The following LDLRAD4 variants were observed in gnomAD, a reference collection of about 807,000 sequenced individuals.
The protein encoded by LDLRAD4 is low-density lipoprotein receptor class A domain-containing protein 4.
Under a neutral mutation model 17.0 loss-of-function variants are expected in LDLRAD4, and 5 were observed. The observed-to-expected ratio is 0.29, with a 90% confidence interval of 0.15 to 0.62. The LOEUF (loss-of-function observed/expected upper bound fraction) is 0.62, where lower values mean the gene tolerates loss of function less well. LDLRAD4 is among the 20% of genes least tolerant of loss of function. The probability of loss-of-function intolerance (pLI) is 0.84; values close to 1 mark genes in which losing one functional copy is unlikely to be tolerated. For synonymous variants in LDLRAD4, 168 were observed against 171.8 expected (o/e 0.98, Z 0.17); for missense variants, 340 against 424.7 (o/e 0.80, Z 1.75).
intron 3 of LDLRAD4, among the ~76,000 whole-genome samples, chr18:13,499,241 C>T (rs1466147272): frequency 7.3e-5 from 11 of 150,596 alleles, no homozygotes; most frequent in South Asian, 2.1e-4. Flanking sequence ...CACACACTTC[C>T]CACCGTGGAC....
In LDLRAD4 at chr18:13,621,117, C is replaced by T. The variant is rs764341458; in HGVS notation, c.182C>T (p.Ser61Leu). ...TAACCACTCTCCTCTTCCATGGCAG[C>T]GGAGCTGGAGTTCGCCCAAATCATC... Residue 61 changes from serine to leucine, a missense_variant and splice_region_variant, in exon 4 of 6, where the codon TCG becomes TTG. Coordinates refer to ENST00000359446, the Ensembl canonical transcript of LDLRAD4. The surrounding 1 kb of genome is among the most constrained non-coding windows in gnomAD (Gnocchi z 5.5). 5.6e-6 allele frequency: 9 copies of T among 1,614,126 alleles called. No individual in the cohort carries two copies. Among genetic ancestry groups the T allele is most frequent in the Non-Finnish European group, 7.6e-6 (9 of 1,180,022 alleles).
At chr18:13,391,075 C>T (rs998458945) in intron 2 of LDLRAD4, among the ~76,000 whole-genome samples, 1 of 152,178 alleles carries the variant, frequency 6.6e-6, no homozygotes, top group African/African-American at 2.4e-5. Flanking sequence ...GGTTGCTGTT[C>T]TTAAAATTTT....
At chr18:13,413,811 A>G (rs1260159987) in intron 2 of LDLRAD4, among the ~76,000 whole-genome samples, 2 of 152,108 alleles carry the variant, frequency 1.3e-5, no homozygotes, top group Non-Finnish European at 2.9e-5. Flanking sequence ...CACGCCTGTA[A>G]TCTCAGCGAC....
intron 1 of LDLRAD4, among the ~76,000 whole-genome samples, chr18:13,306,228 C>T (rs2146652261): frequency 6.6e-6 from 1 of 152,290 alleles, no homozygotes; most frequent in Admixed American, 6.5e-5. Flanking sequence ...TGTGCAAATG[C>T]AGTTGGGTTT....
chr18:13,613,990 C>T (rs2039850962), intron 3 of LDLRAD4: 1 of 152,268 alleles, frequency 6.6e-6, no homozygotes, highest in African/African-American at 2.4e-5. Flanking sequence ...ATCACACCCT[C>T]TTAGAGTAGT....
At chr18:13,519,205 T>A (rs569879158) in intron 3 of LDLRAD4, among the ~76,000 whole-genome samples, 1 of 152,354 alleles carries the variant, frequency 6.6e-6, no homozygotes, top group African/African-American at 2.4e-5. Context: ...TTTTAAAGAT[T>A]ACTTTATCCA....
At chr18:13,595,096 A>T (rs1474853212) in intron 3 of LDLRAD4, among the ~76,000 whole-genome samples, 2 of 151,904 alleles carry the variant, frequency 1.3e-5, no homozygotes, top group Non-Finnish European at 2.9e-5. Context: ...TGCCCCTTTC[A>T]TTCCTGATTT....
chr18:13,582,344 G>A (rs2094873089), intron 3 of LDLRAD4, among the ~76,000 whole-genome samples: 1 of 152,240 alleles, frequency 6.6e-6, no homozygotes. Flanking sequence ...CCATAAGTGG[G>A]CATCCCAGGC....
intron 3 of LDLRAD4, among the ~76,000 whole-genome samples, chr18:13,599,294 G>T (rs1427990973): frequency 6.6e-6 from 1 of 152,056 alleles, no homozygotes; most frequent in Non-Finnish European, 1.5e-5. Context: ...GACTGTCACT[G>T]TTCTTACAAT....
upstream of LDLRAD4, among the ~76,000 whole-genome samples, chr18:13,274,883 G>A (rs767900725): frequency 1.3e-5 from 2 of 152,150 alleles, no homozygotes; most frequent in Non-Finnish European, 2.9e-5. Context: ...ATCTTAAAGA[G>A]CTGGGCATGG....
intron 3 of LDLRAD4, among the ~76,000 whole-genome samples, chr18:13,452,522 T>C (rs932741449): frequency 6.6e-6 from 1 of 151,996 alleles, no homozygotes; most frequent in Non-Finnish European, 1.5e-5. Context: ...AGAACTCCAG[T>C]GCACAGGAGG....
intron 3 of LDLRAD4, among the ~76,000 whole-genome samples, chr18:13,566,874 A>C (rs1010139799): frequency 5.3e-5 from 8 of 152,198 alleles, no homozygotes; most frequent in Non-Finnish European, 1.2e-4. Flanking sequence ...AATCATTTAG[A>C]CTTGTTGAAC....
chr18:13,423,223 TG>T (rs973582686), intron 2 of LDLRAD4, among the ~76,000 whole-genome samples: 6 of 152,224 alleles, frequency 3.9e-5, no homozygotes, highest in African/African-American at 1.4e-4. Flanking sequence ...CAGGGCGTGG[TG>T]GCTCATGCCT....
At chr18:13,448,417 G>A (rs1451053948) in intron 3 of LDLRAD4, among the ~76,000 whole-genome samples, 3 of 152,108 alleles carry the variant, frequency 2.0e-5, no homozygotes, top group African/African-American at 4.8e-5. Context: ...TCTCTTCCGG[G>A]CAGCTCCACA....
intron 1 of LDLRAD4, among the ~76,000 whole-genome samples, chr18:13,248,689 A>G (rs979196325): frequency 2.0e-5 from 3 of 152,190 alleles, no homozygotes; most frequent in African/African-American, 7.2e-5. Context: ...GTTTTGATAC[A>G]TATGTGTCGT....
At chr18:13,368,135 G>A (rs575586975) in intron 1 of LDLRAD4, among the ~76,000 whole-genome samples, 5 of 152,266 alleles carry the variant, frequency 3.3e-5, no homozygotes, top group Admixed American at 1.3e-4. Flanking sequence ...GAGGCAGCTA[G>A]CAGATAAAGG....
At chr18:13,614,272 A>G (rs1202509693) in intron 3 of LDLRAD4, 1 of 152,272 alleles carries the variant, frequency 6.6e-6, no homozygotes, top group Non-Finnish European at 1.5e-5. Context: ...AGACCAGAGA[A>G]TGGATACCAC....
At chr18:13,443,569 G>T (rs77437879) in intron 3 of LDLRAD4, among the ~76,000 whole-genome samples, 2 of 152,130 alleles carry the variant, frequency 1.3e-5, no homozygotes, top group Admixed American at 6.5e-5. Context: ...GGTTTGTTCT[G>T]TTTATCATTT....
At chr18:13,482,102 C>T (rs2093102736) in intron 3 of LDLRAD4, among the ~76,000 whole-genome samples, 1 of 151,904 alleles carries the variant, frequency 6.6e-6, no homozygotes, top group East Asian at 1.9e-4. Context: ...GACAGGAAGG[C>T]CAACGCTGCC....
Sources: gnomAD v4.1 joint callset for allele counts (sites outside exome capture counted in the v4.1 genomes callset) on GRCh38, gnomAD v4.1.1 for gene constraint, Gnocchi (gnomAD v3.1) non-coding constraint, MANE v1.5 for transcripts, NCBI Gene and HGNC (gene_info 2026-07-23, HGNC 2026-07-21) for gene names.